Variants in TMTC2 observed in about 807,000 individuals in gnomAD.
The protein encoded by TMTC2 is protein O-mannosyl-transferase TMTC2.
Under a neutral mutation model 82.4 loss-of-function variants are expected in TMTC2, and 43 were observed. The observed-to-expected ratio is 0.52, with a 90% CI of 0.41 to 0.67. The LOEUF (loss-of-function observed/expected upper bound fraction) is 0.67. Ranked by LOEUF, TMTC2 falls within the 30% of genes least tolerant of loss-of-function variation. The pLI, the probability that TMTC2 is intolerant of heterozygous loss-of-function variation, is 0.00. For synonymous variants in TMTC2, 408 were observed against 381.9 expected (o/e 1.07, Z -0.80); for missense variants, 919 against 1,012.4 (o/e 0.91, Z 1.25).
chr12:82,828,897 A>G (rs541339796), intron 1 of TMTC2, among the ~76,000 whole-genome samples: 2 of 152,252 alleles, frequency 1.3e-5, no homozygotes, highest in Non-Finnish European at 2.9e-5. Flanking sequence ...TGATTAAAAT[A>G]CAAGCAGAAG....
chr12:83,025,503 G>A (rs903906956), intron 8 of TMTC2, among the ~76,000 whole-genome samples: 13 of 151,696 alleles, frequency 8.6e-5, no homozygotes, highest in African/African-American at 2.7e-4. Context: ...GTGTCATTGC[G>A]GGAATTCCGC....
chr12:82,853,688 A>G (rs1022386272), intron 1 of TMTC2, among the ~76,000 whole-genome samples: 1 of 152,176 alleles, frequency 6.6e-6, no homozygotes, highest in African/African-American at 2.4e-5. Context: ...CTGCCACAGA[A>G]AGGATGGAGT....
chr12:83,003,826 C>A (rs1018950712), intron 8 of TMTC2, among the ~76,000 whole-genome samples: 3 of 151,994 alleles, frequency 2.0e-5, no homozygotes, highest in Non-Finnish European at 4.4e-5. Context: ...CTTGTAGAAC[C>A]TGATGACTGT....
intron 3 of TMTC2, among the ~76,000 whole-genome samples, chr12:82,919,214 G>C (rs1169740197): frequency 6.6e-6 from 1 of 152,136 alleles, no homozygotes; most frequent in Non-Finnish European, 1.5e-5. Context: ...AGCATGAGGG[G>C]CTGGGCTTGC....
chr12:83,074,630 C>A (rs1883224393), intron 11 of TMTC2, among the ~76,000 whole-genome samples: 1 of 152,028 alleles, frequency 6.6e-6, no homozygotes, highest in South Asian at 2.1e-4. Flanking sequence ...GGAAAGCCAG[C>A]AGTCACAGGC....
At chr12:83,033,700 A>C (rs996621293) in intron 9 of TMTC2, among the ~76,000 whole-genome samples, 2 of 151,864 alleles carry the variant, frequency 1.3e-5, no homozygotes, top group African/African-American at 4.8e-5. Context: ...GCAGTGAGCC[A>C]AGATCGCACC....
intron 11 of TMTC2, among the ~76,000 whole-genome samples, chr12:83,125,483 C>T (rs1885075054): frequency 6.6e-6 from 1 of 152,102 alleles, no homozygotes; most frequent in South Asian, 2.1e-4. Context: ...AGCTTATAAC[C>T]TTATGAAAAT....
chr12:83,009,871 A>G (rs1193335278), intron 8 of TMTC2, among the ~76,000 whole-genome samples: 1 of 152,182 alleles, frequency 6.6e-6, no homozygotes, highest in Non-Finnish European at 1.5e-5. Context: ...ATAAACAAGC[A>G]TTAGATTTTC....
At chr12:82,701,012 ATGGGAAAAACC>A (rs1873051192) in intron 1 of TMTC2, among the ~76,000 whole-genome samples, 1 of 152,126 alleles carries the variant, frequency 6.6e-6, no homozygotes, top group African/African-American at 2.4e-5. Context: ...TGAGAACAGC[ATGGGAAAAACC>A]TGCCCCCATG....
At chr12:82,833,226 T>C (rs994918525) in intron 1 of TMTC2, among the ~76,000 whole-genome samples, 3 of 152,206 alleles carry the variant, frequency 2.0e-5, no homozygotes, top group Non-Finnish European at 2.9e-5. Context: ...TGTTTTACCG[T>C]AGCATAATAA....
At chr12:82,705,281 T>G (rs1873295968) in intron 1 of TMTC2, among the ~76,000 whole-genome samples, 1 of 152,310 alleles carries the variant, frequency 6.6e-6, no homozygotes, top group Admixed American at 6.5e-5. Context: ...ACATCACCAC[T>G]AAAGAACTTA....
In TMTC2 at chr12:83,002,144, C is replaced by T. The variant is rs539070662; in HGVS notation, c.2070+16098C>T. Among the ~76,000 whole-genome samples, 3 of 152,202 alleles carry T rather than the reference C, an allele frequency of 2.0e-5. No homozygotes were observed. The South Asian group carries it at 6.2e-4, about 32-fold the overall frequency. ...TGGTTAGGTTTTTTTATTACTGATT[C>T]AATTTCAAAACTCATTATTGATCTC... On this transcript the variant is annotated intron_variant, in intron 8 of 11. Coordinates refer to ENST00000321196, the MANE Select transcript of TMTC2 (RefSeq NM_152588.3).
chr12:82,865,465 C>T (rs1356033363), intron 2 of TMTC2, among the ~76,000 whole-genome samples: 6 of 152,110 alleles, frequency 3.9e-5, no homozygotes, highest in Non-Finnish European at 7.4e-5. Flanking sequence ...AGCTAACTAT[C>T]CTAAATATAT....
At position 82,842,000 on chromosome 12, in the gene TMTC2, A is replaced by G. The variant is rs188456771; in HGVS notation, c.84-15010A>G. Among the ~76,000 whole-genome samples, 3 of 152,036 alleles carry G rather than the reference A, an allele frequency of 2.0e-5. No individual in the cohort carries two copies. The East Asian group carries it at 5.8e-4, about 29-fold the overall frequency. On this transcript the variant is annotated intron_variant, in intron 1 of 11. Transcript: ENST00000321196. ...GAGGGCAGATATATGGATTCCAGAC[A>G]AAATGCAATAATAGACTGGGATTTT...
At chr12:83,077,001 A>T (rs1883302348) in intron 11 of TMTC2, among the ~76,000 whole-genome samples, 1 of 152,212 alleles carries the variant, frequency 6.6e-6, no homozygotes, top group Admixed American at 6.5e-5. Context: ...GAAATATTCT[A>T]AGACTTTTTA....
intron 4 of TMTC2, among the ~76,000 whole-genome samples, chr12:82,942,732 A>G (rs887064317): frequency 6.6e-5 from 10 of 152,186 alleles, no homozygotes; most frequent in Admixed American, 2.0e-4. Context: ...ATGGATTAAG[A>G]CAAGAATTAC....
At chr12:82,843,962 G>A (rs1870489648) in intron 1 of TMTC2, among the ~76,000 whole-genome samples, 1 of 152,106 alleles carries the variant, frequency 6.6e-6, no homozygotes, top group African/African-American at 2.4e-5. Context: ...GGACAAAAAA[G>A]TTGATTTGGT....
chr12:82,828,211 CTTTT>C (rs58399725), intron 1 of TMTC2, among the ~76,000 whole-genome samples: 6 of 109,664 alleles, frequency 5.5e-5, no homozygotes, highest in Non-Finnish European at 1.1e-4. Flanking sequence ...TTTTCTTTGG[CTTTT>C]TTTTTTTTTT....
chr12:82,732,310 AG>A (rs1023575418), intron 1 of TMTC2, among the ~76,000 whole-genome samples: 12 of 152,082 alleles, frequency 7.9e-5, no homozygotes, highest in African/African-American at 2.7e-4. Flanking sequence ...GTTTCATTGA[AG>A]AATAGGATAA....
Sources: allele counts gnomAD v4.1 joint callset (sites outside exome capture counted in the v4.1 genomes callset), GRCh38; gene constraint gnomAD v4.1.1; transcripts MANE v1.5; gene names NCBI Gene and HGNC (gene_info 2026-07-23, HGNC 2026-07-21).